The following MBTD1 variants were observed in gnomAD, a reference collection of about 807,000 sequenced individuals.
MBTD1 encodes the protein mbt domain containing 1.
MBTD1 carries 24 observed loss-of-function variants against 87.8 expected under a neutral mutation model. The observed-to-expected ratio is 0.27, with a 90% CI of 0.20 to 0.38. The LOEUF is 0.38. Among genes scored for constraint, MBTD1 ranks in the 10% least tolerant of loss-of-function variants. The pLI is 1.00. For synonymous variants in MBTD1, 237 were observed against 248.6 expected (o/e 0.95, Z 0.44); for missense variants, 436 against 760.2 (o/e 0.57, Z 5.02).
At chr17:51,228,441 T>C (rs2053355354) in intron 2 of MBTD1, among the ~76,000 whole-genome samples, 1 of 150,504 alleles carries the variant, frequency 6.6e-6, no homozygotes, top group Non-Finnish European at 1.5e-5. Context: ...TCATCTTTAG[T>C]GAATGCTGGT....
chr17:51,253,903 A>G (rs966449732), intron 2 of MBTD1, among the ~76,000 whole-genome samples: 2 of 152,294 alleles, frequency 1.3e-5, no homozygotes, highest in Admixed American at 1.3e-4. Context: ...CTCTGGGAGA[A>G]ATGACAGAAA....
At chr17:51,253,159 T>C (rs1391151528) in intron 2 of MBTD1, among the ~76,000 whole-genome samples, 2 of 152,204 alleles carry the variant, frequency 1.3e-5, no homozygotes, top group Admixed American at 6.5e-5. Flanking sequence ...GAGAGATTGA[T>C]GATATCTGGT....
chr17:51,188,086 A>G (rs570764892), intron 16 of MBTD1, among the ~76,000 whole-genome samples: 1 of 152,230 alleles, frequency 6.6e-6, no homozygotes, highest in Non-Finnish European at 1.5e-5. Context: ...AACCAAAATC[A>G]CATGCAGCAA....
intron 6 of MBTD1, among the ~76,000 whole-genome samples, chr17:51,210,402 G>C (rs2052111387): frequency 6.6e-6 from 1 of 152,146 alleles, no homozygotes; most frequent in Non-Finnish European, 1.5e-5. Context: ...TAGGGTGGAA[G>C]TAAGATTAAG....
intron 4 of MBTD1, among the ~76,000 whole-genome samples, chr17:51,220,012 A>G (rs2052796180): frequency 6.6e-6 from 1 of 152,242 alleles, no homozygotes; most frequent in South Asian, 2.1e-4. Flanking sequence ...TGTTAACACA[A>G]AAGGAAACAA....
chr17:51,253,705 T>C (rs2054926213), intron 2 of MBTD1, among the ~76,000 whole-genome samples: 1 of 152,074 alleles, frequency 6.6e-6, no homozygotes. Flanking sequence ...ACTTCTATAA[T>C]AAAAAATAAA....
chr17:51,248,416 C>T (rs1430611461), intron 2 of MBTD1, among the ~76,000 whole-genome samples: 3 of 152,118 alleles, frequency 2.0e-5, no homozygotes, highest in African/African-American at 4.8e-5. Context: ...TTTCCAGAAA[C>T]TTTGCAATTT....
intron 2 of MBTD1, among the ~76,000 whole-genome samples, chr17:51,226,621 T>C (rs369292924): frequency 4.0e-5 from 6 of 151,670 alleles, no homozygotes; most frequent in African/African-American, 1.5e-4. Flanking sequence ...ATCCAGAAAA[T>C]ATGGATGCTT....
intron 2 of MBTD1, among the ~76,000 whole-genome samples, chr17:51,248,464 G>C (rs1375677512): frequency 6.6e-6 from 1 of 152,060 alleles, no homozygotes; most frequent in Non-Finnish European, 1.5e-5. Flanking sequence ...TAAAAATTAA[G>C]GCATACTGTT....
At chr17:51,226,009 A>C (rs2053195050) in intron 2 of MBTD1, among the ~76,000 whole-genome samples, 4 of 149,954 alleles carry the variant, frequency 2.7e-5, no homozygotes, top group African/African-American at 7.3e-5. Context: ...AAACTCCTGA[A>C]CTCAGGTGAT....
intron 2 of MBTD1, among the ~76,000 whole-genome samples, chr17:51,239,233 CA>C (rs2054027011): frequency 6.6e-6 from 1 of 151,942 alleles, no homozygotes; most frequent in African/African-American, 2.4e-5. Context: ...AGTAAAAGAG[CA>C]AATGTCTATT....
At chr17:51,203,456 C>T (rs1473788133) in intron 8 of MBTD1, among the ~76,000 whole-genome samples, 1 of 151,958 alleles carries the variant, frequency 6.6e-6, no homozygotes, top group Non-Finnish European at 1.5e-5. Context: ...GCTCTGTTGC[C>T]CAGGCTGGAG....
chr17:51,197,677 G>T (rs1373283861), intron 12 of MBTD1, among the ~76,000 whole-genome samples: 1 of 151,902 alleles, frequency 6.6e-6, no homozygotes, highest in Non-Finnish European at 1.5e-5. Flanking sequence ...GCTAATTTTT[G>T]TAGAGACAGT....
chr17:51,251,362 A>G (rs977109137), intron 2 of MBTD1: 1 of 152,040 alleles, frequency 6.6e-6, no homozygotes, highest in South Asian at 2.1e-4. Flanking sequence ...CTTCACTGAC[A>G]TGTCTCCAAG....
intron 6 of MBTD1, among the ~76,000 whole-genome samples, chr17:51,216,689 G>A (rs908300756): frequency 6.6e-6 from 1 of 152,172 alleles, no homozygotes; most frequent in African/African-American, 2.4e-5. Context: ...TGGTTTGTTA[G>A]GTCAAATCGT....
At chr17:51,256,960 G>C (rs1020455166) in intron 2 of MBTD1, 1 of 152,010 alleles carries the variant, frequency 6.6e-6, no homozygotes, top group Non-Finnish European at 1.5e-5. Flanking sequence ...TCATATTCAG[G>C]GTTTGTTCAA....
chr17:51,240,041 C>A (rs1336332839), intron 2 of MBTD1, among the ~76,000 whole-genome samples: 1 of 152,104 alleles, frequency 6.6e-6, no homozygotes, highest in Non-Finnish European at 1.5e-5. Flanking sequence ...GAGACCTTAT[C>A]TTTTTTTATA....
intron 2 of MBTD1, among the ~76,000 whole-genome samples, chr17:51,252,937 T>C (rs773473033): frequency 5.3e-5 from 8 of 151,804 alleles, no homozygotes; most frequent in Non-Finnish European, 1.0e-4. Flanking sequence ...GCCTAAGCTT[T>C]AGAATTAGAG....
Position 51,202,094 on chromosome 17 carries a change from C to T in MBTD1, c.1064-17G>A. 2 of 1,531,716 alleles carry T rather than the reference C, an allele frequency of 1.3e-6. No homozygotes were observed. The highest frequency in any genetic ancestry group is 9.0e-7 in the Non-Finnish European group (1 of 1,108,232). 94.9% of individuals were successfully genotyped at this position (1,531,716 alleles called of 1,614,324 possible). A position where few individuals can be genotyped will look rare whatever the true frequency, so the allele number is the denominator to read the frequency against. ...TTGTAATATCTACAAGGAAAAGTTA[C>T]ACACTAATCTGTCAGCATTTGTGAG... On this transcript the variant is annotated splice_polypyrimidine_tract_variant and intron_variant, in intron 10 of 16. Transcript: ENST00000586178.
Sources: allele counts gnomAD v4.1 joint callset (sites outside exome capture counted in the v4.1 genomes callset), GRCh38; gene constraint gnomAD v4.1.1; transcripts MANE v1.5; gene names NCBI Gene and HGNC (gene_info 2026-07-23, HGNC 2026-07-21).